The following TENM4 variants were observed in gnomAD, a reference collection of about 807,000 sequenced individuals.
The protein encoded by TENM4 is teneurin-4.
TENM4 carries 82 observed loss-of-function variants against 243.3 expected under a neutral mutation model. The ratio of observed to expected loss-of-function variants is 0.34; its 90% confidence interval spans 0.28 to 0.40. TENM4 has a LOEUF of 0.40. Among genes scored for constraint, TENM4 ranks in the 10% least tolerant of loss-of-function variants. The pLI is 1.00. For missense variants in TENM4, 3,138 were observed against 3,673.3 expected (o/e 0.85, Z 3.77); for synonymous variants, 1,412 against 1,456.3 (o/e 0.97, Z 0.69).
chr11:78,843,164 G>C (rs1006381647), intron 12 of TENM4, among the ~76,000 whole-genome samples: 3 of 152,116 alleles, frequency 2.0e-5, no homozygotes, highest in African/African-American at 7.2e-5. Context: ...TATAATCCCA[G>C]CTACTTGGGA....
intron 1 of TENM4, among the ~76,000 whole-genome samples, chr11:79,411,972 C>G (rs1306506673): frequency 6.6e-6 from 1 of 152,198 alleles, no homozygotes; most frequent in African/African-American, 2.4e-5. Context: ...GCCGATATTC[C>G]TGACTCCAGC....
At chr11:78,847,407 G>GTCT (rs1404084646) in intron 12 of TENM4, among the ~76,000 whole-genome samples, 2 of 152,220 alleles carry the variant, frequency 1.3e-5, no homozygotes, top group Non-Finnish European at 2.9e-5. Flanking sequence ...GGGGAGCCCT[G>GTCT]CCCTTCAGTG....
At chr11:79,339,364 A>C (rs924577620) in intron 1 of TENM4, among the ~76,000 whole-genome samples, 1 of 152,200 alleles carries the variant, frequency 6.6e-6, no homozygotes, top group African/African-American at 2.4e-5. Context: ...ATAGGTCAGG[A>C]AAGTCCTGGT....
At chr11:79,401,070 T>C (rs1326709065) in intron 1 of TENM4, among the ~76,000 whole-genome samples, 1 of 152,176 alleles carries the variant, frequency 6.6e-6, no homozygotes, top group African/African-American at 2.4e-5. Context: ...AGTGGTACAG[T>C]AGATTCAAAA....
chr11:78,805,277 T>TGCCCCCCCCACCCA lies in TENM4; in HGVS notation c.2179+14_2179+15insTGGGTGGGGGGGGC. 1 of 1,402,550 alleles carries TGCCCCCCCCACCCA rather than the reference T, an allele frequency of 7.1e-7. No homozygotes were observed. The highest frequency in any genetic ancestry group is 9.7e-7 in the Non-Finnish European group (1 of 1,033,116). The allele number at this position is 1,402,550 out of a possible 1,614,324, so 86.9% of individuals were successfully genotyped here. On this transcript the variant is annotated intron_variant, in intron 15 of 33. Coordinates refer to ENST00000278550, the MANE Select transcript of TENM4 (RefSeq NM_001098816.3). ...CCCCTCCCTCTACCCATGCTTCTTC[T>TGCCCCCCCCACCCA]CCCCCTGCATTTACCGATAGAACAG...
chr11:79,239,150 C>T (rs1431573217), intron 2 of TENM4, among the ~76,000 whole-genome samples: 1 of 152,218 alleles, frequency 6.6e-6, no homozygotes, highest in Non-Finnish European at 1.5e-5. Flanking sequence ...TCACAGGGCC[C>T]TCTAGGTGGG....
At chr11:79,405,084 T>C (rs1858539893) in intron 1 of TENM4, among the ~76,000 whole-genome samples, 1 of 152,204 alleles carries the variant, frequency 6.6e-6, no homozygotes, top group Non-Finnish European at 1.5e-5. Context: ...CAGAATTACA[T>C]TTTTTACAGC....
At chr11:78,927,191 G>T (rs891653201) in intron 6 of TENM4, among the ~76,000 whole-genome samples, 7 of 152,158 alleles carry the variant, frequency 4.6e-5, no homozygotes, top group Non-Finnish European at 1.0e-4. Context: ...CACAGGAACT[G>T]ATTCAATGTT....
At chr11:79,168,245 G>A (rs1178188689) in intron 3 of TENM4, among the ~76,000 whole-genome samples, 1 of 152,192 alleles carries the variant, frequency 6.6e-6, no homozygotes, top group Non-Finnish European at 1.5e-5. Context: ...TCAGTGGGGT[G>A]CTGGGGTACA....
At chr11:79,396,202 C>A (rs1301567234) in intron 1 of TENM4, among the ~76,000 whole-genome samples, 1 of 152,154 alleles carries the variant, frequency 6.6e-6, no homozygotes, top group African/African-American at 2.4e-5. Context: ...CTTAGAATTC[C>A]AACCACTCCA....
chr11:79,042,975 T>A (rs753048380), intron 6 of TENM4, among the ~76,000 whole-genome samples: 13 of 152,222 alleles, frequency 8.5e-5, no homozygotes, highest in Non-Finnish European at 1.8e-4. Context: ...AAGCACGTCT[T>A]GCCACAAAAG....
chr11:78,823,079 G>GC (rs1857770812), intron 12 of TENM4, among the ~76,000 whole-genome samples: 1 of 152,200 alleles, frequency 6.6e-6, no homozygotes, highest in Non-Finnish European at 1.5e-5. Flanking sequence ...TCCCAGCGGT[G>GC]CCCCGTGAGC....
intron 12 of TENM4, among the ~76,000 whole-genome samples, chr11:78,845,859 A>G (rs1858379981): frequency 6.6e-6 from 1 of 152,234 alleles, no homozygotes; most frequent in Non-Finnish European, 1.5e-5. Context: ...CTTCTATCAG[A>G]ATCTACATCT....
At chr11:78,822,973 G>T (rs868812833) in intron 12 of TENM4, among the ~76,000 whole-genome samples, 12 of 152,298 alleles carry the variant, frequency 7.9e-5, no homozygotes, top group Middle Eastern at 3.4e-3. Flanking sequence ...CTTGATGGGA[G>T]CCTCAAGCGG....
Position 78,698,426 on chromosome 11 carries a change from A to ACC in TENM4, c.5087+3099_5087+3100insGG, listed in dbSNP as rs748560443. On this transcript the variant is annotated intron_variant, in intron 28 of 33. Coordinates refer to ENST00000278550, the MANE Select transcript of TENM4 (RefSeq NM_001098816.3). Reference sequence around the variant, plus strand: ...ACCAAACCAACCAACCAACCAACCAAACAAACAAACAAATAAACAAACAGC... The same window carrying ACC: ...ACCAAACCAACCAACCAACCAACCAACCACAAACAAACAAATAAACAAACAGC... Among the ~76,000 whole-genome samples the ACC allele has an allele frequency of 2.5e-3, 379 of 152,176 alleles. 3 individuals are homozygous for ACC. Among genetic ancestry groups the ACC allele is most frequent in the Non-Finnish European group, 4.1e-3 (280 of 68,002 alleles).
chr11:78,903,017 C>T (rs1855966360), intron 7 of TENM4, among the ~76,000 whole-genome samples: 1 of 151,698 alleles, frequency 6.6e-6, no homozygotes, highest in South Asian at 2.1e-4. Flanking sequence ...GGGGTTGGTG[C>T]GGGGGGTGTC....
chr11:78,868,846 G>A (rs1459381376), intron 9 of TENM4, among the ~76,000 whole-genome samples: 1 of 151,988 alleles, frequency 6.6e-6, no homozygotes, highest in East Asian at 1.9e-4. Flanking sequence ...TGGCATTTTT[G>A]GTTTCAAAAG....
intron 6 of TENM4, among the ~76,000 whole-genome samples, chr11:78,914,547 C>T (rs974960284): frequency 6.6e-6 from 1 of 152,184 alleles, no homozygotes; most frequent in African/African-American, 2.4e-5. Context: ...TGAGCCTCAA[C>T]CTCCTGCCTG....
intron 6 of TENM4, among the ~76,000 whole-genome samples, chr11:79,048,682 G>A (rs1859721068): frequency 6.6e-6 from 1 of 152,184 alleles, no homozygotes; most frequent in Admixed American, 6.5e-5. Context: ...GACCTAGCAG[G>A]AAGACTGATT....
Sources: allele counts gnomAD v4.1 joint callset (sites outside exome capture counted in the v4.1 genomes callset), GRCh38; gene constraint gnomAD v4.1.1; transcripts MANE v1.5; gene names NCBI Gene and HGNC (gene_info 2026-07-23, HGNC 2026-07-21).